Variants in SLC5A4 observed in about 807,000 individuals in gnomAD.
The protein encoded by SLC5A4 is solute carrier family 5 member 4.
Under a neutral mutation model 70.3 loss-of-function variants are expected in SLC5A4, and 55 were observed. That is an observed-to-expected ratio of 0.78 (90% confidence interval 0.63 to 0.98). SLC5A4 has a LOEUF of 0.98. Ranked by LOEUF, SLC5A4 falls within the 50% of genes least tolerant of loss-of-function variation. SLC5A4 has a pLI of 0.00. For synonymous variants in SLC5A4, 268 were observed against 305.7 expected, an observed-to-expected ratio of 0.88 and a Z score of 1.29; for missense variants, 735 against 839.2, an observed-to-expected ratio of 0.88 and a Z score of 1.53.
intron 5 of SLC5A4, among the ~76,000 whole-genome samples, chr22:32,240,022 CAAAA>C (rs35616277): frequency 6.7e-5 from 5 of 74,100 alleles, no homozygotes; most frequent in African/African-American, 5.4e-5. Flanking sequence ...GACTCCATCT[CAAAA>C]AAAAAAAAAA....
Position 32,241,797 on chromosome 22 carries a change from G to A in SLC5A4, c.478-2707C>T, listed in dbSNP as rs5994507. Among the ~76,000 whole-genome samples, 459 of 140,408 alleles carry A rather than the reference G, an allele frequency of 3.3e-3. 3 individuals are homozygous for A. The highest frequency in any genetic ancestry group is 0.013 in the African/African-American group (438 of 32,850). The allele number at this position is 140,408 out of a possible 152,430, so 92.1% of individuals were successfully genotyped here. ...TATATGTGTGTGTGTGTGTGTGTGT[G>A]TGTGTGTATATATATCTGTATGTGT... On this transcript the variant is annotated intron_variant, in intron 5 of 14. Coordinates refer to ENST00000266086, the MANE Select transcript of SLC5A4 (RefSeq NM_014227.3).
the SLC5A4 span, among the ~76,000 whole-genome samples, chr22:32,329,852 G>GA: frequency 1.5e-5 from 1 of 67,060 alleles, no homozygotes; most frequent in Non-Finnish European, 2.7e-5. Context: ...GTGTGTGTTG[G>GA]GGGCTCTGGT....
At chr22:32,328,929 G>A in the SLC5A4 span, among the ~76,000 whole-genome samples, 2 of 152,334 alleles carry the variant, frequency 1.3e-5, no homozygotes, top group South Asian at 4.1e-4. Context: ...GGAGCTCCCT[G>A]CTTACTGAGG....
chr22:32,339,800 A>G, the SLC5A4 span, among the ~76,000 whole-genome samples: 2 of 152,206 alleles, frequency 1.3e-5, no homozygotes, highest in Admixed American at 6.5e-5. Context: ...CGAAGGGGCC[A>G]ATGGCAGATC....
the SLC5A4 span, among the ~76,000 whole-genome samples, chr22:32,332,355 C>T: frequency 6.6e-6 from 1 of 152,248 alleles, no homozygotes; most frequent in Non-Finnish European, 1.5e-5. Context: ...GGATGTGCGG[C>T]TGTCTCTGCC....
chr22:32,227,074 G>A (rs898779800), intron 11 of SLC5A4, among the ~76,000 whole-genome samples: 2 of 151,960 alleles, frequency 1.3e-5, no homozygotes, highest in Non-Finnish European at 2.9e-5. Context: ...TAGCACCTCT[G>A]GTCACCTGAG....
At chr22:32,227,716 T>A (rs1204371392) in intron 11 of SLC5A4, among the ~76,000 whole-genome samples, 1 of 152,080 alleles carries the variant, frequency 6.6e-6, no homozygotes, top group East Asian at 1.9e-4. Flanking sequence ...GGTGGGCGGA[T>A]CACGAGGTCA....
At chr22:32,324,193 T>C in the SLC5A4 span, among the ~76,000 whole-genome samples, 1 of 148,500 alleles carries the variant, frequency 6.7e-6, no homozygotes, top group Non-Finnish European at 1.5e-5. Flanking sequence ...TGGTGTTTGC[T>C]TCATTACTTT....
upstream of SLC5A4, among the ~76,000 whole-genome samples, chr22:32,257,086 TA>T (rs1414275500): frequency 6.6e-6 from 1 of 152,234 alleles, no homozygotes; most frequent in Non-Finnish European, 1.5e-5. Flanking sequence ...ATTTATGTTT[TA>T]ATTATAGACA....
At chr22:32,331,890 C>G in the SLC5A4 span, among the ~76,000 whole-genome samples, 1 of 152,070 alleles carries the variant, frequency 6.6e-6, no homozygotes, top group African/African-American at 2.4e-5. Flanking sequence ...GCAGTGGTCT[C>G]TCGGGGCATC....
chr22:32,292,072 G>GTATA, the SLC5A4 span, among the ~76,000 whole-genome samples: 9 of 130,454 alleles, frequency 6.9e-5, no homozygotes, highest in African/African-American at 1.8e-4. Context: ...CGGGGTTTTA[G>GTATA]TATATATATA....
upstream of SLC5A4, among the ~76,000 whole-genome samples, chr22:32,257,497 G>A (rs946236207): frequency 6.6e-6 from 1 of 152,010 alleles, no homozygotes; most frequent in Non-Finnish European, 1.5e-5. Context: ...TGGGACCACA[G>A]GCACATGCCA....
chr22:32,254,576 G>A (rs1051406111), intron 1 of SLC5A4, among the ~76,000 whole-genome samples: 1 of 152,062 alleles, frequency 6.6e-6, no homozygotes, highest in African/African-American at 2.4e-5. Context: ...GGGCCGAGGC[G>A]GGTGGATCAC....
the SLC5A4 span, among the ~76,000 whole-genome samples, chr22:32,343,771 A>C: frequency 6.6e-6 from 1 of 152,212 alleles, no homozygotes; most frequent in Non-Finnish European, 1.5e-5. Context: ...GCACATTTTA[A>C]GTCATGCAAA....
the SLC5A4 span, among the ~76,000 whole-genome samples, chr22:32,349,305 G>A: frequency 4.1e-4 from 63 of 152,266 alleles, no homozygotes; most frequent in Non-Finnish European, 8.8e-4. Context: ...TCAAAAACAG[G>A]TAATATTTCT....
chr22:32,321,888 C>A, the SLC5A4 span, among the ~76,000 whole-genome samples: 1 of 152,228 alleles, frequency 6.6e-6, no homozygotes, highest in Admixed American at 6.5e-5. Flanking sequence ...GCGCCTATGG[C>A]AGAATGCATA....
the SLC5A4 span, among the ~76,000 whole-genome samples, chr22:32,304,870 T>C: frequency 6.6e-6 from 1 of 150,850 alleles, no homozygotes; most frequent in African/African-American, 2.4e-5. Context: ...CTTTTTCACT[T>C]AGGTCTATGA....
the SLC5A4 span, among the ~76,000 whole-genome samples, chr22:32,267,712 T>C: frequency 6.6e-6 from 1 of 152,210 alleles, no homozygotes; most frequent in Non-Finnish European, 1.5e-5. Context: ...AAATCCATTA[T>C]GCATTTTACA....
the SLC5A4 span, among the ~76,000 whole-genome samples, chr22:32,337,488 C>T: frequency 1.3e-5 from 2 of 151,850 alleles, no homozygotes; most frequent in African/African-American, 2.4e-5. Context: ...GAGCTGAGAT[C>T]GCACCACGGC....
Sources: allele counts gnomAD v4.1 joint callset (sites outside exome capture counted in the v4.1 genomes callset), GRCh38; gene constraint gnomAD v4.1.1; transcripts MANE v1.5; gene names NCBI Gene and HGNC (gene_info 2026-07-23, HGNC 2026-07-21).